The following DNAH8 variants were observed in gnomAD, a reference collection of about 807,000 sequenced individuals.
DNAH8 encodes dynein axonemal heavy chain 8.
DNAH8 carries 382 observed loss-of-function variants against 562.1 expected under a neutral mutation model. The observed-to-expected ratio is 0.68, with a 90% confidence interval of 0.63 to 0.74. DNAH8 has a LOEUF of 0.74. Among genes scored for constraint, DNAH8 ranks in the 30% least tolerant of loss-of-function variants. The pLI, the probability that DNAH8 is intolerant of heterozygous loss-of-function variation, is 0.00. For missense variants in DNAH8, 5,203 were observed against 5,620.4 expected (o/e 0.93, Z 2.37); for synonymous variants, 1,881 against 1,919.4 (o/e 0.98, Z 0.52).
chr6:38,949,417 G>A (rs1437831453), intron 80 of DNAH8, 35 bp from the exon 81 acceptor site: 1 of 1,277,868 alleles, frequency 7.8e-7, no homozygotes, highest in African/African-American at 1.5e-5. Context: ...CTTACATATA[G>A]TTCTGTGGCT....
rs571006622 is a variant in DNAH8, at chr6:38,743,709, A to G, written c.1293+1822A>G. On this transcript the variant is annotated intron_variant, in intron 8 of 92. Coordinates refer to ENST00000327475, the MANE Select transcript of DNAH8 (RefSeq NM_001206927.2). ...ATGTTGTAGCCTGTATCAGTATGTC[A>G]TTCCTTTTTATGGCTGAATCATATT... is the stretch of plus-strand genomic sequence containing the variant. Among the ~76,000 whole-genome samples, 6 of 152,260 alleles carry G rather than the reference A, an allele frequency of 3.9e-5. No individual in the cohort carries two copies. The South Asian group carries it at 8.3e-4, about 21-fold the overall frequency.
chr6:38,797,636 A>ACG (rs767461857), intron 21 of DNAH8, among the ~76,000 whole-genome samples: 6 of 152,056 alleles, frequency 3.9e-5, no homozygotes, highest in Admixed American at 3.9e-4. Flanking sequence ...CTCCTTTACT[A>ACG]CGCCGCTGCA....
chr6:38,884,088 A>G, intron 56 of DNAH8, 90 bp downstream of exon 56: 1 of 918,912 alleles, frequency 1.1e-6, no homozygotes, highest in Non-Finnish European at 1.4e-6. Flanking sequence ...AACTTTGTTA[A>G]AAACTTTATG....
chr6:38,753,515 A>G (rs568593098), intron 9 of DNAH8, among the ~76,000 whole-genome samples: 1 of 152,334 alleles, frequency 6.6e-6, no homozygotes, highest in East Asian at 1.9e-4. Context: ...TGAATATGGC[A>G]CAACGTTCAC....
intron 11 of DNAH8, among the ~76,000 whole-genome samples, chr6:38,769,079 GT>G (rs1422197422): frequency 2.0e-5 from 3 of 152,062 alleles, no homozygotes; most frequent in Non-Finnish European, 2.9e-5. Flanking sequence ...CTAGTTCAAT[GT>G]TTCTATTACA....
Position 38,737,126 on chromosome 6 carries a change from GT to G in DNAH8, c.824del (p.Leu275TrpfsTer18). On this transcript the variant is annotated frameshift_variant, in exon 6 of 93. Transcript: ENST00000327475. LOFTEE classifies it high-confidence loss of function. ...GACTCTTAAATGGAATTAGGGATAT[GT>G]TGGCAAATATATTTCTACCAGCTGT... ...KGLLNGIRDM[L>X]ANIFLPAVLA... The G allele has an allele frequency of 6.3e-7, 1 of 1,586,316 alleles. No individual in the cohort carries two copies.
intron 32 of DNAH8, among the ~76,000 whole-genome samples, chr6:38,835,870 A>T (rs1245686000): frequency 6.7e-6 from 1 of 149,152 alleles, no homozygotes; most frequent in Non-Finnish European, 1.5e-5. Flanking sequence ...AATTTTTAAA[A>T]TAGTTGGTTT....
chr6:38,794,186 C>G (rs1770017315), intron 21 of DNAH8, among the ~76,000 whole-genome samples: 1 of 152,100 alleles, frequency 6.6e-6, no homozygotes, highest in Admixed American at 6.6e-5. Flanking sequence ...AGGTAGCTGA[C>G]TTTCCTTTCT....
intron 91 of DNAH8, among the ~76,000 whole-genome samples, chr6:39,023,364 G>C (rs1054130259): frequency 6.6e-6 from 1 of 152,058 alleles, no homozygotes; most frequent in African/African-American, 2.4e-5. Flanking sequence ...ATGGTGGCAG[G>C]TGCCTGTAGT....
At chr6:38,767,368 C>A (rs1045958791) in intron 11 of DNAH8, among the ~76,000 whole-genome samples, 1 of 151,098 alleles carries the variant, frequency 6.6e-6, no homozygotes, top group Non-Finnish European at 1.5e-5. Flanking sequence ...ACCTGGGAGG[C>A]GTAGATTGCA....
At chr6:38,922,565 A>G (rs1209458044) in intron 71 of DNAH8, among the ~76,000 whole-genome samples, 1 of 152,192 alleles carries the variant, frequency 6.6e-6, no homozygotes, top group Admixed American at 6.5e-5. Flanking sequence ...TTAATTTTTA[A>G]TAAAGGCTGT....
At chr6:38,786,037 C>G (rs1481515560) in intron 17 of DNAH8, among the ~76,000 whole-genome samples, 1 of 152,208 alleles carries the variant, frequency 6.6e-6, no homozygotes, top group Non-Finnish European at 1.5e-5. Flanking sequence ...GTAATTCAAA[C>G]TAGCACATGC....
At chr6:38,987,312 T>C (rs1764469306) in intron 87 of DNAH8, among the ~76,000 whole-genome samples, 2 of 152,178 alleles carry the variant, frequency 1.3e-5, no homozygotes, top group Admixed American at 1.3e-4. Context: ...TTCTTCCTCT[T>C]CTACTTCTTC....
intron 33 of DNAH8, among the ~76,000 whole-genome samples, chr6:38,840,236 A>G (rs1450249065): frequency 6.6e-6 from 1 of 151,734 alleles, no homozygotes; most frequent in Non-Finnish European, 1.5e-5. Context: ...GCTGTTGAAA[A>G]CTCGGACAGT....
In DNAH8 at chr6:38,870,478, T is replaced by C. The variant is rs775197463; in HGVS notation, c.6906T>C (p.Tyr2302=). 2.3e-5 allele frequency: 37 copies of C among 1,614,004 alleles called. No homozygotes were observed. In the South Asian group the frequency reaches 2.4e-4, roughly 11 times the overall value. Residue 2302 remains tyrosine, a synonymous_variant, in exon 49 of 93, where the codon TAT becomes TAC. Transcript: ENST00000327475. ...FPGLQLDSNT[Y]AELQNAVAHQ... ...GACTGCAACTGGATAGTAATACTTA[T>C]GCAGAACTGCAAAACGCAGTAGCCC...
In DNAH8 at chr6:38,789,870, C is replaced by G; in HGVS notation, c.2651C>G (p.Pro884Arg). The G allele has an allele frequency of 1.2e-6, 2 of 1,610,450 alleles. No homozygotes were observed. Among genetic ancestry groups the G allele is most frequent in the Non-Finnish European group, 1.7e-6 (2 of 1,177,890 alleles). Residue 884 changes from proline (P) to arginine (R), a missense_variant, in exon 19 of 93, where the codon CCA becomes CGA. This residue lies in a region of DNAH8 where 2,176 missense variants were observed against 2,365.1 expected (regional missense o/e 0.92). Coordinates refer to ENST00000327475, the MANE Select transcript of DNAH8 (RefSeq NM_001206927.2). ...VPSVFVNLMTPKMKKVESVLR... is the reference protein window; with the variant it reads ...VPSVFVNLMTRKMKKVESVLR... ...TCTGTGTTTGTCAATCTGATGACCC[C>G]AAAAATGAAAAAGGTTGGTATTGCT...
chr6:38,883,300 C>G (rs1288953538), intron 54 of DNAH8, 22 bp from the exon 55 acceptor site: 1 of 1,580,630 alleles, frequency 6.3e-7, no homozygotes. Context: ...CACATTTCAA[C>G]ACTATTATCC....
At chr6:38,945,031 C>A (rs1184965549) in intron 79 of DNAH8, among the ~76,000 whole-genome samples, 1 of 152,012 alleles carries the variant, frequency 6.6e-6, no homozygotes, top group Non-Finnish European at 1.5e-5. Flanking sequence ...CCTAACCCAT[C>A]CATGTCTTTA....
intron 8 of DNAH8, among the ~76,000 whole-genome samples, chr6:38,747,507 C>T (rs1765055512): frequency 6.6e-6 from 1 of 151,670 alleles, no homozygotes; most frequent in Non-Finnish European, 1.5e-5. Context: ...CTGCCTCAGC[C>T]TCCTGAGTAG....
Sources: gnomAD v4.1 joint callset for allele counts (sites outside exome capture counted in the v4.1 genomes callset) on GRCh38, gnomAD v4.1.1 for gene constraint, gnomAD v4.1.1 regional missense constraint, MANE v1.5 for transcripts, NCBI Gene and HGNC (gene_info 2026-07-23, HGNC 2026-07-21) for gene names.